The following DOK6 variants were observed in gnomAD, a reference collection of about 807,000 sequenced individuals.
DOK6 encodes docking protein 6.
A neutral mutation model predicts 44.0 loss-of-function variants in DOK6; 22 were observed. The ratio of observed to expected loss-of-function variants is 0.50; its 90% CI spans 0.36 to 0.71. The LOEUF (loss-of-function observed/expected upper bound fraction) is 0.71, where lower values mean the gene tolerates loss of function less well. Ranked by LOEUF, DOK6 falls within the 30% of genes least tolerant of loss-of-function variation. DOK6 has a pLI of 0.00. For missense variants in DOK6, 340 were observed against 416.4 expected, an observed-to-expected ratio of 0.82 and a Z score of 1.60; for synonymous variants, 166 against 145.5, an observed-to-expected ratio of 1.14 and a Z score of -1.01.
At chr18:69,514,049 A>C (rs1323189176) in intron 1 of DOK6, among the ~76,000 whole-genome samples, 1 of 152,100 alleles carries the variant, frequency 6.6e-6, no homozygotes, top group Non-Finnish European at 1.5e-5. Flanking sequence ...ATAATTCAAA[A>C]ATCAATATAT....
chr18:69,525,998 A>G (rs1008933149), intron 1 of DOK6, among the ~76,000 whole-genome samples: 1 of 152,140 alleles, frequency 6.6e-6, no homozygotes, highest in African/African-American at 2.4e-5. Flanking sequence ...TTAAGCCAGT[A>G]TGTATATAAA....
At chr18:69,627,819 G>C (rs1419866753) in intron 3 of DOK6, among the ~76,000 whole-genome samples, 1 of 152,244 alleles carries the variant, frequency 6.6e-6, no homozygotes, top group East Asian at 1.9e-4. Flanking sequence ...TCAAGTATGA[G>C]GATGAAGAGA....
chr18:69,482,813 A>G (rs1242501423), intron 1 of DOK6, among the ~76,000 whole-genome samples: 1 of 151,970 alleles, frequency 6.6e-6, no homozygotes, highest in African/African-American at 2.4e-5. Context: ...AAGAAATATG[A>G]GTTCTGTAAT....
At chr18:69,532,716 G>C (rs1471023822) in intron 1 of DOK6, 1 of 152,094 alleles carries the variant, frequency 6.6e-6, no homozygotes, top group Non-Finnish European at 1.5e-5. Flanking sequence ...TTAAAAATTA[G>C]CTGGACATGG....
rs138008482 is a variant in DOK6, at chr18:69,507,234, A to G, written c.67-57253A>G. Among the ~76,000 whole-genome samples the G allele has an allele frequency of 9.3e-3, 1,407 of 151,674 alleles. 17 individuals are homozygous for G. Among genetic ancestry groups the G allele is most frequent in the Middle Eastern group, 0.014 (4 of 294 alleles). On this transcript the variant is annotated intron_variant, in intron 1 of 7. Transcript: ENST00000382713. Reference sequence around the variant, plus strand: ...AGTAGAGAGGGGGTTTCACCGTGTTAGCCAGAATGGTCTTGATCTCCTGAC... The same window carrying G: ...AGTAGAGAGGGGGTTTCACCGTGTTGGCCAGAATGGTCTTGATCTCCTGAC...
rs1982307213 is a variant in DOK6 at position 69,844,592 on chromosome 18, A to G, written c.*3209A>G. The G allele has an allele frequency of 6.6e-6, 1 of 152,228 alleles. No homozygotes were observed. The highest frequency in any genetic ancestry group is 2.1e-4 in the South Asian group (1 of 4,832). The allele number at this position is 152,228 out of a possible 1,614,324, so 9.4% of individuals were successfully genotyped here. On this transcript the variant is annotated 3_prime_UTR_variant, in exon 8 of 8. Coordinates refer to ENST00000382713, the MANE Select transcript of DOK6 (RefSeq NM_152721.6). ...GGGTGGGGGCAGAGGCGGAAAAGAA[A>G]ACACATCTTTCACTTACTTATTGAA...
chr18:69,839,566 A>C (rs928717596), intron 7 of DOK6, among the ~76,000 whole-genome samples: 2 of 152,204 alleles, frequency 1.3e-5, no homozygotes, highest in African/African-American at 4.8e-5. Context: ...AGGAAAGAAG[A>C]TGCACTCAGC....
intron 5 of DOK6, among the ~76,000 whole-genome samples, chr18:69,716,692 C>CAAAAAAAAAAAAA (rs11351701): frequency 1.9e-5 from 2 of 104,776 alleles, no homozygotes; most frequent in African/African-American, 3.6e-5. Context: ...GCAGAATTGA[C>CAAAAAAAAAAAAA]AAAAAAAAAA....
intron 1 of DOK6, among the ~76,000 whole-genome samples, chr18:69,456,628 T>C (rs1979641065): frequency 6.6e-6 from 1 of 152,200 alleles, no homozygotes; most frequent in African/African-American, 2.4e-5. Flanking sequence ...CATGTATCTT[T>C]ATGGTAGAAT....
At chr18:69,605,390 C>T (rs1983971956) in intron 3 of DOK6, among the ~76,000 whole-genome samples, 1 of 152,088 alleles carries the variant, frequency 6.6e-6, no homozygotes, top group South Asian at 2.1e-4. Flanking sequence ...ACAACTAGGT[C>T]ACCTGTACAA....
At chr18:69,735,465 T>A (rs1978573497) in intron 5 of DOK6, among the ~76,000 whole-genome samples, 1 of 152,174 alleles carries the variant, frequency 6.6e-6, no homozygotes, top group African/African-American at 2.4e-5. Flanking sequence ...TCACAAGGGA[T>A]AAAGGCCAGG....
At chr18:69,818,732 C>T (rs1199239090) in intron 7 of DOK6, among the ~76,000 whole-genome samples, 3 of 152,200 alleles carry the variant, frequency 2.0e-5, no homozygotes, top group Admixed American at 6.5e-5. Context: ...AGCCTGTATA[C>T]AGTCCCGTGA....
At chr18:69,799,326 T>C (rs1032141688) in intron 7 of DOK6, among the ~76,000 whole-genome samples, 2 of 152,208 alleles carry the variant, frequency 1.3e-5, no homozygotes, top group South Asian at 4.1e-4. Context: ...CTAAAAAAGA[T>C]TAAATATTTG....
intron 1 of DOK6, among the ~76,000 whole-genome samples, chr18:69,429,620 C>CATATATATATATATAT (rs143819043): frequency 2.0e-4 from 21 of 105,930 alleles, no homozygotes; most frequent in Admixed American, 5.1e-4. Context: ...TTGAGGGATA[C>CATATATATATATATAT]ATATATATAT....
At chr18:69,709,420 A>G (rs1986708486) in intron 5 of DOK6, among the ~76,000 whole-genome samples, 1 of 152,214 alleles carries the variant, frequency 6.6e-6, no homozygotes, top group Non-Finnish European at 1.5e-5. Context: ...ATTTTTTAAA[A>G]AAATATGTTG....
intron 1 of DOK6, among the ~76,000 whole-genome samples, chr18:69,546,600 T>A (rs527951968): frequency 6.6e-6 from 1 of 151,692 alleles, no homozygotes; most frequent in Non-Finnish European, 1.5e-5. Flanking sequence ...TATTTCACAG[T>A]CCAAGTTATA....
intron 1 of DOK6, among the ~76,000 whole-genome samples, chr18:69,558,985 G>GA (rs199537471): frequency 0.011 from 1,705 of 151,566 alleles, 38 homozygotes; most frequent in African/African-American, 0.039. Flanking sequence ...TTCCAAGATT[G>GA]AAAAAAAATA....
At chr18:69,691,449 G>T (rs1235579268) in intron 4 of DOK6, among the ~76,000 whole-genome samples, 1 of 152,140 alleles carries the variant, frequency 6.6e-6, no homozygotes, top group Non-Finnish European at 1.5e-5. Context: ...TGTTTGTCAG[G>T]AGGACAGACT....
At chr18:69,636,580 A>G (rs71370307) in intron 3 of DOK6, among the ~76,000 whole-genome samples, 3,020 of 152,318 alleles carry the variant, frequency 0.02, 53 homozygotes, top group Middle Eastern at 0.041. Flanking sequence ...GACAATAGCA[A>G]AGAAGAGTTG....
Sources: allele counts gnomAD v4.1 joint callset (sites outside exome capture counted in the v4.1 genomes callset), GRCh38; gene constraint gnomAD v4.1.1; transcripts MANE v1.5; gene names NCBI Gene and HGNC (gene_info 2026-07-23, HGNC 2026-07-21).